The following DNAH11 variants were observed in gnomAD, a reference collection of about 807,000 sequenced individuals.
The protein encoded by DNAH11 is dynein axonemal heavy chain 11.
Under a neutral mutation model 526.0 loss-of-function variants are expected in DNAH11, and 442 were observed. The ratio of observed to expected loss-of-function variants is 0.84; its 90% confidence interval spans 0.78 to 0.91. The LOEUF (loss-of-function observed/expected upper bound fraction) is 0.91, where lower values mean the gene tolerates loss of function less well. Ranked by LOEUF, DNAH11 falls within the 40% of genes least tolerant of loss-of-function variation. The pLI, the probability that DNAH11 is intolerant of heterozygous loss-of-function variation, is 0.00. For missense variants in DNAH11, 6,989 were observed against 5,448.7 expected (o/e 1.28, Z -8.90); for synonymous variants, 2,461 against 1,935.9 (o/e 1.27, Z -7.12).
intron 65 of DNAH11, among the ~76,000 whole-genome samples, chr7:21,837,156 G>T (rs983518424): frequency 6.6e-6 from 1 of 152,080 alleles, no homozygotes; most frequent in South Asian, 2.1e-4. Context: ...AATGTAAATC[G>T]GTATAGCCAT....
Position 21,658,940 on chromosome 7 carries a change from C to T in DNAH11, c.5237C>T (p.Ser1746Leu), listed in dbSNP as rs1190231594. 2 of 1,610,880 alleles carry T rather than the reference C, an allele frequency of 1.2e-6. No individual in the cohort carries two copies. The highest frequency in any genetic ancestry group is 1.1e-5 in the South Asian group (1 of 90,334). The change falls in exon 30 of 82, where the codon TCA becomes TTA. Residue 1746 changes from serine (S) to leucine (L), a missense_variant. Transcript: ENST00000409508. ...DFPAQVALTS[S>L]QIWWTTDVGI... ...CCAGCTCAGGTTGCACTAACCAGCT[C>T]ACAAATATGGTGGACCACAGATGTA... is the stretch of plus-strand genomic sequence containing the variant.
In DNAH11 at chr7:21,748,751, AG is replaced by A. The variant is rs1786273315; in HGVS notation, c.8673+13del. On this transcript the variant is annotated intron_variant, in intron 52 of 81. Coordinates refer to ENST00000409508, the MANE Select transcript of DNAH11 (RefSeq NM_001277115.2). ...GAATCCAGGAACTTCGGGTGAGTCA[AG>A]GGGACAGGCAGTTCTTCTGACCCTT... 6.2e-7 allele frequency: 1 copy of A among 1,611,502 alleles called. No individual in the cohort carries two copies. Among genetic ancestry groups the A allele is most frequent in the Non-Finnish European group, 8.5e-7 (1 of 1,178,490 alleles).
chr7:21,821,269 A>G (rs994972703), intron 65 of DNAH11, among the ~76,000 whole-genome samples: 13 of 152,324 alleles, frequency 8.5e-5, no homozygotes, highest in African/African-American at 2.4e-4. Flanking sequence ...ACTCATTTCT[A>G]AAACAGAAGT....
In DNAH11 at chr7:21,786,754, T is replaced by A; in HGVS notation, c.9728T>A (p.Val3243Asp). The A allele has an allele frequency of 6.2e-7, 1 of 1,613,734 alleles. No individual in the cohort carries two copies. Among genetic ancestry groups the A allele is most frequent in the Non-Finnish European group, 8.5e-7 (1 of 1,179,690 alleles). Residue 3243 changes from valine to aspartate, a missense_variant, in exon 59 of 82, where the codon GTC becomes GAC. Val to Asp is a radical substitution (Grantham distance 152, BLOSUM62 -3). Transcript: ENST00000409508. ...GACCGAAGTTGGAAAGCAGCTAAAG[T>A]CTTCATGGGAAAGGTATCAGCCCAG... ...PKDRSWKAAK[V>D]FMGKVDDFLQ...
At chr7:21,654,244 T>A (rs1583566138) in intron 28 of DNAH11, among the ~76,000 whole-genome samples, 1 of 152,108 alleles carries the variant, frequency 6.6e-6, no homozygotes, top group Non-Finnish European at 1.5e-5. Context: ...CTCATACCCC[T>A]CCCTCCAGCC....
chr7:21,681,689 G>A lies in DNAH11; in HGVS notation c.5460+12G>A. 1 of 1,613,770 alleles carries A rather than the reference G, an allele frequency of 6.2e-7. No individual in the cohort carries two copies. The highest frequency in any genetic ancestry group is 8.5e-7 in the Non-Finnish European group (1 of 1,179,718). ...TTATTTCTCAGAAGGCAAGTTGTTT[G>A]TAGAAATTTTATGTATTCATTATTG... On this transcript the variant is annotated intron_variant, in intron 31 of 81. Coordinates refer to ENST00000409508, the MANE Select transcript of DNAH11 (RefSeq NM_001277115.2).
At chr7:21,657,012 C>G (rs1782041544) in intron 29 of DNAH11, among the ~76,000 whole-genome samples, 2 of 152,092 alleles carry the variant, frequency 1.3e-5, no homozygotes, top group South Asian at 2.1e-4. Flanking sequence ...GGGGGATAGT[C>G]CAATTGATGG....
chr7:21,850,142 G>A (rs967965930), intron 66 of DNAH11, among the ~76,000 whole-genome samples: 1 of 151,560 alleles, frequency 6.6e-6, no homozygotes, highest in Non-Finnish European at 1.5e-5. Context: ...GGATCACAAG[G>A]TCAGGAGATT....
intron 36 of DNAH11, among the ~76,000 whole-genome samples, chr7:21,700,461 G>C (rs1784008895): frequency 6.6e-6 from 1 of 152,154 alleles, no homozygotes; most frequent in Non-Finnish European, 1.5e-5. Flanking sequence ...GTTTAGCAGA[G>C]GCACCAAGTC....
At position 21,638,986 on chromosome 7, in the gene DNAH11, G is replaced by A. The variant is rs866322294; in HGVS notation, c.4865G>A (p.Arg1622His). 3.1e-6 allele frequency: 5 copies of A among 1,613,360 alleles called. No individual in the cohort carries two copies. The highest frequency in any genetic ancestry group is 1.3e-5 in the African/African-American group (1 of 74,874). ...KALAEYLETK[R>H]IAFPRFYFVS... ...CTCGCTGAATACCTGGAAACCAAGC[G>A]CATAGCCTTTCCTCGCTTCTATTTC... is the stretch of plus-strand genomic sequence containing the variant. Residue 1622 changes from arginine to histidine, a missense_variant, in exon 28 of 82, where the codon CGC becomes CAC. Physicochemically the swap from Arg to His is conservative, Grantham distance 29 (BLOSUM62 0). Coordinates refer to ENST00000409508, the MANE Select transcript of DNAH11 (RefSeq NM_001277115.2).
At chr7:21,785,226 G>C (rs915815142) in intron 58 of DNAH11, among the ~76,000 whole-genome samples, 2 of 152,154 alleles carry the variant, frequency 1.3e-5, no homozygotes, top group Non-Finnish European at 2.9e-5. Context: ...GGAAAGAATC[G>C]AGATTTTCAC....
At chr7:21,781,149 G>A (rs528172630) in intron 57 of DNAH11, among the ~76,000 whole-genome samples, 2 of 152,322 alleles carry the variant, frequency 1.3e-5, no homozygotes, top group African/African-American at 2.4e-5. Context: ...TAAAGGGGGT[G>A]AATATGGACT....
intron 74 of DNAH11, among the ~76,000 whole-genome samples, chr7:21,874,066 C>T (rs1783606228): frequency 6.6e-6 from 1 of 151,948 alleles, no homozygotes; most frequent in Non-Finnish European, 1.5e-5. Context: ...GCTGGGATTA[C>T]AGACATGAGC....
Position 21,632,516 on chromosome 7 carries a change from A to G in DNAH11, c.4501-3355A>G, listed in dbSNP as rs576919670. 3.3e-4 allele frequency among the ~76,000 whole-genome samples: 51 copies of G among 152,250 alleles called. No individual in the cohort carries two copies. The South Asian group carries it at 0.01, about 31-fold the overall frequency. On this transcript the variant is annotated intron_variant, in intron 25 of 81. Transcript: ENST00000409508. ...CTCTCGAATGCTTTGTTGCTTAGAAATTTCTTCTGCTAGGTACCCTAAATT... is the reference window on the plus strand; with the variant it reads ...CTCTCGAATGCTTTGTTGCTTAGAAGTTTCTTCTGCTAGGTACCCTAAATT...
chr7:21,556,451 C>G (rs1583478056), intron 2 of DNAH11, among the ~76,000 whole-genome samples: 1 of 152,276 alleles, frequency 6.6e-6, no homozygotes, highest in East Asian at 1.9e-4. Flanking sequence ...CTGTTGATAT[C>G]AAGGATTTAA....
chr7:21,817,519 C>CAAA (rs10532841), intron 64 of DNAH11, among the ~76,000 whole-genome samples: 1 of 86,436 alleles, frequency 1.2e-5, no homozygotes, highest in Non-Finnish European at 2.3e-5. Context: ...CCATCTCTAC[C>CAAA]AAAAAAAAAA....
At chr7:21,588,696 TAA>T (rs1352657790) in intron 11 of DNAH11, 60 bp downstream of exon 11, 2 of 1,568,726 alleles carry the variant, frequency 1.3e-6, no homozygotes, top group African/African-American at 1.3e-5. Context: ...ACATTTTATA[TAA>T]GAGAGTGAGC....
intron 49 of DNAH11, among the ~76,000 whole-genome samples, chr7:21,742,553 A>G (rs961390501): frequency 6.6e-6 from 1 of 152,078 alleles, no homozygotes; most frequent in African/African-American, 2.4e-5. Context: ...ATCTGCCCCC[A>G]TGATCCAGTC....
At chr7:21,758,422 TCATTCATGTAGC>T (rs1415465787) in intron 54 of DNAH11, among the ~76,000 whole-genome samples, 1 of 152,214 alleles carries the variant, frequency 6.6e-6, no homozygotes, top group Non-Finnish European at 1.5e-5. Flanking sequence ...GTATATTTAC[TCATTCATGTAGC>T]CATTCATCAT....
Sources: gnomAD v4.1 joint callset for allele counts (sites outside exome capture counted in the v4.1 genomes callset) on GRCh38, gnomAD v4.1.1 for gene constraint, MANE v1.5 for transcripts, NCBI Gene and HGNC (gene_info 2026-07-23, HGNC 2026-07-21) for gene names.